The following COL3A1 variants were observed in gnomAD, a reference collection of about 807,000 sequenced individuals.
COL3A1 encodes the protein collagen alpha-1(III) chain.
A neutral mutation model predicts 200.9 loss-of-function variants in COL3A1; 46 were observed. That is an observed-to-expected ratio of 0.23 (90% confidence interval 0.18 to 0.29). COL3A1 has a LOEUF of 0.29. Ranked by LOEUF, COL3A1 falls within the 10% of genes least tolerant of loss-of-function variation. COL3A1 has a pLI of 1.00. For synonymous variants in COL3A1, 650 were observed against 628.0 expected (o/e 1.03, Z -0.52); for missense variants, 1,367 against 1,917.6 (o/e 0.71, Z 5.36).
chr2:188,983,595 C>T (rs1687999881), intron 1 of COL3A1, among the ~76,000 whole-genome samples: 1 of 151,846 alleles, frequency 6.6e-6, no homozygotes, highest in South Asian at 2.1e-4. Flanking sequence ...AATCTTAGGA[C>T]CACTAAAAGG....
intron 41 of COL3A1, 79 bp downstream of exon 41, chr2:189,005,536 T>G: frequency 2.6e-6 from 3 of 1,173,382 alleles, no homozygotes; most frequent in Non-Finnish European, 3.8e-6. Flanking sequence ...AGCTTTAATG[T>G]CTAAGAGTGT....
chr2:189,010,839 G>C lies in COL3A1; in HGVS notation c.4203G>C (p.Lys1401Asn). 1 of 1,614,152 alleles carries C rather than the reference G, an allele frequency of 6.2e-7. No individual in the cohort carries two copies. Among genetic ancestry groups the C allele is most frequent in the Non-Finnish European group, 8.5e-7 (1 of 1,179,992 alleles). The change falls in exon 50 of 51, where the codon AAG becomes AAC. Residue 1401 changes from lysine (K) to asparagine (N), a missense_variant. Physicochemically the swap from Lys to Asn is moderately conservative, Grantham distance 94. Transcript: ENST00000304636. ...KLMGSNEGEFKAEGNSKFTYT... is the reference protein window; with the variant it reads ...KLMGSNEGEFNAEGNSKFTYT... ...TGGGGTCAAATGAAGGTGAATTCAAGGCTGAAGGAAATAGCAAATTCACCT... is the reference window on the plus strand; with the variant it reads ...TGGGGTCAAATGAAGGTGAATTCAACGCTGAAGGAAATAGCAAATTCACCT...
Position 188,998,419 on chromosome 2 carries a change from G to T in COL3A1, c.1977+100G>T, listed in dbSNP as rs1184437711. 19 of 1,087,886 alleles carry T rather than the reference G, an allele frequency of 1.7e-5. No homozygotes were observed. The Admixed American group carries it at 2.9e-4, about 16-fold the overall frequency. 67.4% of individuals were successfully genotyped at this position (1,087,886 alleles called of 1,614,324 possible). A position where few individuals can be genotyped will look rare whatever the true frequency, so the allele number is the denominator to read the frequency against. ...TTAATTTTCTTATGCCATGATATTT[G>T]AGATTTAACATTTAGTTTTGAAATA... On this transcript the variant is annotated intron_variant, in intron 28 of 50. Transcript: ENST00000304636.
At chr2:188,983,851 G>A (rs1004760702) in intron 1 of COL3A1, among the ~76,000 whole-genome samples, 3 of 151,920 alleles carry the variant, frequency 2.0e-5, no homozygotes, top group African/African-American at 7.2e-5. Context: ...AAGAACTAAA[G>A]TTGTATTTAA....
intron 1 of COL3A1, among the ~76,000 whole-genome samples, chr2:188,983,474 A>C (rs1687996827): frequency 6.6e-6 from 1 of 151,880 alleles, no homozygotes; most frequent in Non-Finnish European, 1.5e-5. Context: ...AAACATTTCA[A>C]CTCATTTAAA....
intron 1 of COL3A1, among the ~76,000 whole-genome samples, chr2:188,976,028 T>C (rs1233064322): frequency 6.6e-6 from 1 of 151,974 alleles, no homozygotes; most frequent in Admixed American, 6.6e-5. Flanking sequence ...CACCCTTTCT[T>C]TCCCCTGAAC....
At chr2:189,006,305 G>A in intron 42 of COL3A1, 40 bp from the exon 43 acceptor site, 1 of 1,613,600 alleles carries the variant, frequency 6.2e-7, no homozygotes, top group Non-Finnish European at 8.5e-7. Context: ...CAAAATAAGT[G>A]ATCATCATGT....
intron 1 of COL3A1, among the ~76,000 whole-genome samples, chr2:188,979,999 C>T (rs1687916262): frequency 6.6e-6 from 1 of 151,588 alleles, no homozygotes; most frequent in Non-Finnish European, 1.5e-5. Context: ...ATTCAAACTA[C>T]TCAGAGCAGT....
intron 1 of COL3A1, among the ~76,000 whole-genome samples, chr2:188,984,243 A>G (rs1468116009): frequency 6.6e-6 from 1 of 151,980 alleles, no homozygotes; most frequent in Non-Finnish European, 1.5e-5. Context: ...TTCTGTTAAA[A>G]CTTTCCCAGG....
intron 45 of COL3A1, 103 bp from the exon 46 acceptor site, chr2:189,007,782 A>T (rs914270903): frequency 6.8e-7 from 1 of 1,467,766 alleles, no homozygotes; most frequent in Non-Finnish European, 9.5e-7. Context: ...GAAAGAAAAA[A>T]AATTTCATCA....
intron 7 of COL3A1, among the ~76,000 whole-genome samples, chr2:188,988,914 G>T (rs1348387718): frequency 6.6e-6 from 1 of 151,596 alleles, no homozygotes; most frequent in Admixed American, 6.6e-5. Context: ...ATTAAATATA[G>T]ATTTCATTTT....
Position 188,994,899 on chromosome 2 carries a change from G to T in COL3A1, c.1455+68G>T. The T allele has an allele frequency of 6.3e-7, 1 of 1,580,326 alleles. No individual in the cohort carries two copies. Among genetic ancestry groups the T allele is most frequent in the Non-Finnish European group, 8.7e-7 (1 of 1,150,742 alleles). ...GTCATCTAAATAAAACTACCTTCAG[G>T]GTGAGACAGCCAATTTTTCTTAAGT... is the stretch of plus-strand genomic sequence containing the variant. On this transcript the variant is annotated intron_variant, in intron 20 of 50. Transcript: ENST00000304636. The surrounding 1 kb of genome is among the most constrained non-coding windows in gnomAD (Gnocchi z 4.5).
chr2:189,002,430 A>T (rs1313157426), intron 35 of COL3A1, 79 bp downstream of exon 35: 1 of 1,376,436 alleles, frequency 7.3e-7, no homozygotes, highest in Non-Finnish European at 1.0e-6. Flanking sequence ...AGTATAGTCA[A>T]GTTTGGTTTC....
intron 24 of COL3A1, among the ~76,000 whole-genome samples, 166 bp from the exon 25 acceptor site, chr2:188,996,999 A>G (rs1341966368): frequency 4.9e-5 from 7 of 143,736 alleles, no homozygotes; most frequent in African/African-American, 1.3e-4. Context: ...AAAAATATGT[A>G]TGTGTGTGTG....
At position 188,987,091 on chromosome 2, in the gene COL3A1, C is replaced by G. The variant is rs1005166566; in HGVS notation, c.480C>G (p.Val160=). ...NYSPQYDSYD[V]KSGVAVGGLA... ...CTCCCCAGTATGATTCATATGATGT[C>G]AAGTCTGGAGTAGCAGTAGGAGGAC... The change falls in exon 5 of 51, where the codon GTC becomes GTG. Residue 160 remains valine (V), a synonymous_variant. Coordinates refer to ENST00000304636, the MANE Select transcript of COL3A1 (RefSeq NM_000090.4). 6.2e-7 allele frequency: 1 copy of G among 1,612,970 alleles called. No homozygotes were observed. The highest frequency in any genetic ancestry group is 8.5e-7 in the Non-Finnish European group (1 of 1,179,212).
rs759626552 is a variant in COL3A1 at position 188,995,256 on chromosome 2, C to A, written c.1509+157C>A. ...AATGCATCCTCTGTTCAACAACTTT[C>A]CTGGCTTTGTAACTAAAGCCACTTA... On this transcript the variant is annotated intron_variant, in intron 21 of 50. Coordinates refer to ENST00000304636, the MANE Select transcript of COL3A1 (RefSeq NM_000090.4). 9.2e-5 allele frequency among the ~76,000 whole-genome samples: 14 copies of A among 152,176 alleles called. 1 individual carries two copies. The highest frequency in any genetic ancestry group is 2.9e-5 in the Non-Finnish European group (2 of 68,018).
intron 1 of COL3A1, among the ~76,000 whole-genome samples, chr2:188,983,379 T>G (rs763709586): frequency 1.3e-5 from 2 of 151,956 alleles, no homozygotes; most frequent in African/African-American, 2.4e-5. Context: ...AACACATAAA[T>G]GGAAATGAGG....
intron 41 of COL3A1, chr2:189,005,720 A>G (rs1688570881): frequency 4.7e-6 from 2 of 423,928 alleles, no homozygotes; most frequent in Non-Finnish European, 8.6e-6. Flanking sequence ...GAGAACCACA[A>G]TTGACATGTT....
chr2:189,004,240 T>C lies in COL3A1; in HGVS notation c.2824-17T>C. 1 of 1,600,666 alleles carries C rather than the reference T, an allele frequency of 6.2e-7. No individual in the cohort carries two copies. Among genetic ancestry groups the C allele is most frequent in the South Asian group, 1.1e-5 (1 of 88,582 alleles). On this transcript the variant is annotated splice_polypyrimidine_tract_variant and intron_variant, in intron 39 of 50. Transcript: ENST00000304636. ...CTGTCACATAAAGATGAGCTAAGTC[T>C]TCATTATCTGTATTAGGGAGCTCCA...
Sources: gnomAD v4.1 joint callset for allele counts (sites outside exome capture counted in the v4.1 genomes callset) on GRCh38, gnomAD v4.1.1 for gene constraint, Gnocchi (gnomAD v3.1) non-coding constraint, MANE v1.5 for transcripts, NCBI Gene and HGNC (gene_info 2026-07-23, HGNC 2026-07-21) for gene names.